Variants in TMEM143 observed in about 807,000 individuals in gnomAD.
TMEM143 encodes transmembrane protein 143.
A neutral mutation model predicts 40.3 loss-of-function variants in TMEM143; 45 were observed. The observed-to-expected ratio is 1.12, with a 90% CI of 0.88 to 1.43. The LOEUF (loss-of-function observed/expected upper bound fraction) is 1.43. Among genes scored for constraint, TMEM143 ranks in the 40% most tolerant of loss-of-function variants. The pLI is 0.00. For synonymous variants in TMEM143, 299 were observed against 282.7 expected, an observed-to-expected ratio of 1.06 and a Z score of -0.58; for missense variants, 620 against 613.4, an observed-to-expected ratio of 1.01 and a Z score of -0.11.
intron 3 of TMEM143, among the ~76,000 whole-genome samples, chr19:48,359,244 C>T (rs74548769): frequency 0.019 from 2,857 of 152,114 alleles, 81 homozygotes; most frequent in African/African-American, 0.066. Flanking sequence ...TACGATCTGT[C>T]CCCATCCCCT....
intron 6 of TMEM143, 37 bp downstream of exon 6, chr19:48,342,493 C>A: frequency 6.4e-7 from 1 of 1,563,778 alleles, no homozygotes; most frequent in Non-Finnish European, 8.6e-7. Flanking sequence ...GTCCCCACAG[C>A]GCAGGGCCGC....
In TMEM143 at chr19:48,360,058, G is replaced by GGCCCCGTCCTC. The variant is rs769960601; in HGVS notation, c.369+3_369+13dup. ...CGAACAAGCACCACAGGGCTGGAAG[G>GGCCCCGTCCTC]GCCCCGTCCTCACCTGCAGCCGGGC... is the stretch of plus-strand genomic sequence containing the variant. On this transcript the variant is annotated intron_variant, in intron 3 of 7. Transcript: ENST00000293261. 141 of 1,612,064 alleles carry GGCCCCGTCCTC rather than the reference G, an allele frequency of 8.7e-5. No homozygotes were observed. The highest frequency in any genetic ancestry group is 1.2e-4 in the Non-Finnish European group (139 of 1,178,706).
chr19:48,340,262 G>C (rs1969460989), intron 6 of TMEM143, among the ~76,000 whole-genome samples: 1 of 151,360 alleles, frequency 6.6e-6, no homozygotes, highest in African/African-American at 2.4e-5. Context: ...GAGTAGCTGG[G>C]ATTACAGGCA....
At position 48,333,209 on chromosome 19, in the gene TMEM143, T is replaced by G. The variant is rs1600888712; in HGVS notation, c.*10A>C. The G allele has an allele frequency of 2.1e-6, 3 of 1,422,182 alleles. No homozygotes were observed. The highest frequency in any genetic ancestry group is 1.6e-5 in the South Asian group (1 of 61,294). 88.1% of individuals were successfully genotyped at this position (1,422,182 alleles called of 1,614,324 possible). ...CTAGCCTGCTGACTGGGCAGGGAGG[T>G]AGGTTCTACTCAGGAGATGTTACTG... On this transcript the variant is annotated 3_prime_UTR_variant, in exon 8 of 8. Transcript: ENST00000293261. The surrounding 1 kb of genome is among the most constrained non-coding windows in gnomAD (Gnocchi z 4.1).
intron 3 of TMEM143, among the ~76,000 whole-genome samples, chr19:48,354,547 G>A (rs545682028): frequency 9.2e-5 from 14 of 152,290 alleles, no homozygotes; most frequent in African/African-American, 1.9e-4. Context: ...TAACAAGCGT[G>A]AGTCACTGTG....
intron 1 of TMEM143, 68 bp from the exon 2 acceptor site, chr19:48,363,599 T>C (rs1473032523): frequency 6.5e-7 from 1 of 1,526,786 alleles, no homozygotes; most frequent in South Asian, 1.3e-5. Context: ...CACCTCCACG[T>C]CCCACCCTCC....
chr19:48,358,868 G>A (rs1969969541), intron 3 of TMEM143, among the ~76,000 whole-genome samples: 1 of 152,150 alleles, frequency 6.6e-6, no homozygotes, highest in East Asian at 1.9e-4. Flanking sequence ...GGCTCACTCA[G>A]AGTCAAAGCA....
intron 6 of TMEM143, among the ~76,000 whole-genome samples, chr19:48,336,967 G>A (rs1969384369): frequency 6.6e-6 from 1 of 151,622 alleles, no homozygotes. Context: ...CTTGCAGTGA[G>A]CTGAGATCGC....
intron 2 of TMEM143, among the ~76,000 whole-genome samples, chr19:48,361,823 G>A (rs941311719): frequency 6.6e-6 from 1 of 152,152 alleles, no homozygotes; most frequent in African/African-American, 2.4e-5. Flanking sequence ...CACCGCGCCC[G>A]GCCTTGAACC....
At position 48,333,437 on chromosome 19, in the gene TMEM143, C is replaced by A. The variant is rs1342181732; in HGVS notation, c.1166-4G>T. On this transcript the variant is annotated splice_region_variant and splice_polypyrimidine_tract_variant and intron_variant, in intron 7 of 7. Transcript: ENST00000293261. The surrounding 1 kb of genome is among the most constrained non-coding windows in gnomAD (Gnocchi z 4.1). ...GACCGGAGCCACCTGGAGGTCTCTG[C>A]AAGGGGAGAGGCAGGTGTTCTGAGG... 2 of 1,570,696 alleles carry A rather than the reference C, an allele frequency of 1.3e-6. No homozygotes were observed. Among genetic ancestry groups the A allele is most frequent in the Non-Finnish European group, 8.7e-7 (1 of 1,153,174 alleles).
intron 6 of TMEM143, among the ~76,000 whole-genome samples, chr19:48,334,647 C>G (rs1044146529): frequency 7.3e-6 from 1 of 137,602 alleles, no homozygotes; most frequent in Non-Finnish European, 1.5e-5. Flanking sequence ...AGTGGCTATT[C>G]ACAGGCAAAC....
Position 48,360,947 on chromosome 19 carries a change from T to G in TMEM143, c.265-771A>C, listed in dbSNP as rs138307297. On this transcript the variant is annotated intron_variant, in intron 2 of 7. Coordinates refer to ENST00000293261, the MANE Select transcript of TMEM143 (RefSeq NM_018273.4). ...GACTACAGGTGCCCACCACCATGCC[T>G]GGCGAATTTTTTTCAATTTTTTGTA... Among the ~76,000 whole-genome samples the G allele has an allele frequency of 2.1e-3, 321 of 151,848 alleles. 3 individuals carry two copies. The highest frequency in any genetic ancestry group is 7.4e-3 in the African/African-American group (305 of 41,426).
intron 3 of TMEM143, among the ~76,000 whole-genome samples, chr19:48,354,610 C>A (rs1969846273): frequency 6.6e-6 from 1 of 152,146 alleles, no homozygotes; most frequent in Non-Finnish European, 1.5e-5. Context: ...CTCAGTAGAA[C>A]AGAGCCTGTG....
At chr19:48,351,139 C>T (rs1969762626) in intron 3 of TMEM143, among the ~76,000 whole-genome samples, 1 of 151,920 alleles carries the variant, frequency 6.6e-6, no homozygotes, top group African/African-American at 2.4e-5. Flanking sequence ...GCCCCATGGG[C>T]CTCTCAACAC....
intron 6 of TMEM143, among the ~76,000 whole-genome samples, chr19:48,337,480 G>T (rs533787450): frequency 1.6e-4 from 25 of 152,064 alleles, no homozygotes; most frequent in African/African-American, 6.0e-4. Flanking sequence ...CCAGGAGGCA[G>T]AGGTTGCAGT....
intron 3 of TMEM143, among the ~76,000 whole-genome samples, chr19:48,348,559 A>T (rs2147372430): frequency 6.6e-6 from 1 of 152,280 alleles, no homozygotes; most frequent in East Asian, 1.9e-4. Context: ...AACAACAATC[A>T]TCATCAATGA....
chr19:48,333,087 G>T lies in TMEM143; in HGVS notation c.*132C>A. The T allele has an allele frequency of 1.4e-6, 1 of 716,736 alleles. No homozygotes were observed. Among genetic ancestry groups the T allele is most frequent in the Non-Finnish European group, 2.1e-6 (1 of 482,848 alleles). The allele number at this position is 716,736 out of a possible 1,614,324, so 44.4% of individuals were successfully genotyped here. A position where few individuals can be genotyped will look rare whatever the true frequency, so the allele number is the denominator to read the frequency against. On this transcript the variant is annotated 3_prime_UTR_variant, in exon 8 of 8. Coordinates refer to ENST00000293261, the MANE Select transcript of TMEM143 (RefSeq NM_018273.4). This position sits in a 1 kb window ranked among gnomAD's most constrained non-coding sequence, Gnocchi z 4.1. ...TGGCTGCTTTGCTTAAGCACACAGT[G>T]CAGCAAAAATAATCACCTGTCAGTT...
chr19:48,357,231 A>T (rs564071925), intron 3 of TMEM143, among the ~76,000 whole-genome samples: 2 of 152,020 alleles, frequency 1.3e-5, no homozygotes, highest in South Asian at 4.2e-4. Context: ...TGCTAGGATT[A>T]CAGGCGTGAG....
chr19:48,343,789 A>G (rs1419046843), intron 4 of TMEM143, among the ~76,000 whole-genome samples: 1 of 152,222 alleles, frequency 6.6e-6, no homozygotes, highest in African/African-American at 2.4e-5. Flanking sequence ...TTACATCCCA[A>G]TTTCAGAGAT....
Sources: allele counts gnomAD v4.1 joint callset (sites outside exome capture counted in the v4.1 genomes callset), GRCh38; gene constraint gnomAD v4.1.1; non-coding constraint Gnocchi (gnomAD v3.1); transcripts MANE v1.5; gene names NCBI Gene and HGNC (gene_info 2026-07-23, HGNC 2026-07-21).